Variants in SSRP1 observed in about 807,000 individuals in gnomAD.
SSRP1 encodes the protein structure specific recognition protein 1.
Under a neutral mutation model 84.4 loss-of-function variants are expected in SSRP1, and 21 were observed. That is an observed-to-expected ratio of 0.25 (90% CI 0.18 to 0.36). The LOEUF (loss-of-function observed/expected upper bound fraction) is 0.36, where lower values mean the gene tolerates loss of function less well. SSRP1 is among the 10% of genes least tolerant of loss of function. The pLI is 1.00. For missense variants in SSRP1, 519 were observed against 900.8 expected (o/e 0.58, Z 5.43); for synonymous variants, 319 against 318.3 (o/e 1.00, Z -0.02).
rs1311482234 is a variant in SSRP1 at position 57,330,794 on chromosome 11, C to T, written c.1296+61G>A. The T allele has an allele frequency of 5.6e-6, 9 of 1,611,552 alleles. No individual in the cohort carries two copies. The highest frequency in any genetic ancestry group is 6.8e-6 in the Non-Finnish European group (8 of 1,178,480). On this transcript the variant is annotated intron_variant, in intron 10 of 16. Transcript: ENST00000278412. This position sits in a 1 kb window ranked among gnomAD's most constrained non-coding sequence, Gnocchi z 4.0. The stretch of plus-strand genomic sequence containing the variant: ...TGAAAAAGAAGCCGGAAAAAATCTC[C>T]ACCCCTTTCTCCCCTATAGAAAGAC...
chr11:57,330,023 C>G lies in SSRP1; in HGVS notation c.1481+70G>C. 6.3e-7 allele frequency: 1 copy of G among 1,586,494 alleles called. No individual in the cohort carries two copies. Among genetic ancestry groups the G allele is most frequent in the Admixed American group, 1.7e-5 (1 of 59,970 alleles). ...GCTAATGCTGGGACCTGAGAAATGTCCAGAAATCTTCTGGTCCCTTAAGCT... is the reference window on the plus strand; with the variant it reads ...GCTAATGCTGGGACCTGAGAAATGTGCAGAAATCTTCTGGTCCCTTAAGCT... On this transcript the variant is annotated intron_variant, in intron 12 of 16. Coordinates refer to ENST00000278412, the MANE Select transcript of SSRP1 (RefSeq NM_003146.3). This position sits in a 1 kb window ranked among gnomAD's most constrained non-coding sequence, Gnocchi z 4.0.
At chr11:57,326,615 C>T in intron 16 of SSRP1, 88 bp downstream of exon 16, 1 of 1,580,792 alleles carries the variant, frequency 6.3e-7, no homozygotes. Flanking sequence ...ACCATCCACT[C>T]CAACTCATTA....
At chr11:57,327,569 CTCCCCTG>C in intron 14 of SSRP1, 55 bp from the exon 15 acceptor site, 1 of 1,610,126 alleles carries the variant, frequency 6.2e-7, no homozygotes, top group East Asian at 2.2e-5. Context: ...CATCTCCCCT[CTCCCCTG>C]ATGCAGGCAA....
Position 57,330,491 on chromosome 11 carries a change from C to CA in SSRP1, c.1297-63dup. 2 of 1,598,420 alleles carry CA rather than the reference C, an allele frequency of 1.3e-6. No individual in the cohort carries two copies. The highest frequency in any genetic ancestry group is 1.7e-6 in the Non-Finnish European group (2 of 1,174,012). ...CCTCGAGCCAGAATCCCTGCACACT[C>CA]AAAAGCACACCCCCATGCCTGTCAA... is the stretch of plus-strand genomic sequence containing the variant. On this transcript the variant is annotated intron_variant, in intron 10 of 16. Transcript: ENST00000278412. This position sits in a 1 kb window ranked among gnomAD's most constrained non-coding sequence, Gnocchi z 4.0.
chr11:57,328,061 C>A, intron 13 of SSRP1, 179 bp from the exon 14 acceptor site: 1 of 950,610 alleles, frequency 1.1e-6, no homozygotes. Context: ...CAGTGCCTAG[C>A]TTACCAGGAC....
In SSRP1 at chr11:57,330,568, C is replaced by G; in HGVS notation, c.1297-139G>C. 6.9e-7 allele frequency: 1 copy of G among 1,454,938 alleles called. No homozygotes were observed. The highest frequency in any genetic ancestry group is 9.1e-7 in the Non-Finnish European group (1 of 1,097,794). 90.1% of individuals were successfully genotyped at this position (1,454,938 alleles called of 1,614,324 possible). ...TGGGGCTGGATTGTCCACACACAGC[C>G]AACGTGCAGGGCCTATGCCCAAGTA... On this transcript the variant is annotated intron_variant, in intron 10 of 16. Transcript: ENST00000278412. The surrounding 1 kb of genome is among the most constrained non-coding windows in gnomAD (Gnocchi z 4.0).
At position 57,335,403 on chromosome 11, in the gene SSRP1, C is replaced by G; in HGVS notation, c.-119-163G>C. 2.5e-6 allele frequency: 1 copy of G among 401,224 alleles called. No homozygotes were observed. The highest frequency in any genetic ancestry group is 4.7e-6 in the Non-Finnish European group (1 of 210,726). 24.9% of individuals were successfully genotyped at this position (401,224 alleles called of 1,614,324 possible). A position where few individuals can be genotyped will look rare whatever the true frequency, so the allele number is the denominator to read the frequency against. ...AGTGCCCGAGGGTCCAGGTCCAGGCCTGGGTGGAGAACCGGGCCCGGAATA... is the reference window on the plus strand; with the variant it reads ...AGTGCCCGAGGGTCCAGGTCCAGGCGTGGGTGGAGAACCGGGCCCGGAATA... On this transcript the variant is annotated intron_variant, in intron 1 of 16. Transcript: ENST00000278412. This position sits in a 1 kb window ranked among gnomAD's most constrained non-coding sequence, Gnocchi z 4.6.
At chr11:57,331,130 G>C (rs1214586562) in intron 9 of SSRP1, among the ~76,000 whole-genome samples, 2 of 152,198 alleles carry the variant, frequency 1.3e-5, no homozygotes, top group African/African-American at 4.8e-5. Context: ...AGAACTGCAT[G>C]GCTTTGAAGA....
In SSRP1 at chr11:57,326,793, T is replaced by C. The variant is rs1590603261; in HGVS notation, c.1968A>G (p.Leu656=). 1 of 1,614,146 alleles carries C rather than the reference T, an allele frequency of 6.2e-7. No individual in the cohort carries two copies. Among genetic ancestry groups the C allele is most frequent in the African/African-American group, 1.3e-5 (1 of 74,954 alleles). ...GSSSKSSSRQ[L]SESFKSKEFV... is the part of the protein sequence containing the mutation. ...ACTCTTTGCTCTTGAAGCTCTCGCT[T>C]AGCTGCCTTGAGGACGACTTGGATG... Residue 656 remains leucine, a synonymous_variant, in exon 16 of 17, where the codon CTA becomes CTG. Coordinates refer to ENST00000278412, the MANE Select transcript of SSRP1 (RefSeq NM_003146.3).
chr11:57,335,056 A>G lies in SSRP1; in HGVS notation c.54+12T>C, dbSNP rs746762713. 14 of 1,613,914 alleles carry G rather than the reference A, an allele frequency of 8.7e-6. No individual in the cohort carries two copies. Among genetic ancestry groups the G allele is most frequent in the Non-Finnish European group, 1.2e-5 (14 of 1,179,908 alleles). ...TCTCTCTACTTGTATCACCTGTCCA[A>G]GCCATTCTCACCATGGAACCTTTCA... On this transcript the variant is annotated intron_variant, in intron 2 of 16. Transcript: ENST00000278412. This position sits in a 1 kb window ranked among gnomAD's most constrained non-coding sequence, Gnocchi z 4.6.
intron 2 of SSRP1, 86 bp from the exon 3 acceptor site, chr11:57,334,734 G>T: frequency 1.3e-6 from 2 of 1,487,116 alleles, no homozygotes; most frequent in South Asian, 2.5e-5. Context: ...CATTCCTGCT[G>T]CAAGTGGACT....
Position 57,327,912 on chromosome 11 carries a change from T to C in SSRP1, c.1612-30A>G, listed in dbSNP as rs959793100. The stretch of plus-strand genomic sequence containing the variant: ...ATAAGAACCCAAATGCCTTCAGCTA[T>C]TTCCCACAGAACCCATACATTTTCC... On this transcript the variant is annotated intron_variant, in intron 13 of 16. Coordinates refer to ENST00000278412, the MANE Select transcript of SSRP1 (RefSeq NM_003146.3). 1.9e-6 allele frequency: 3 copies of C among 1,606,340 alleles called. No homozygotes were observed. The African/African-American group carries it at 4.0e-5, about 21-fold the overall frequency.
Position 57,326,368 on chromosome 11 carries a change from G to A in SSRP1, c.*39C>T, listed in dbSNP as rs778729316. ...CAAAATATGGGTGGGGAGTCGGGGG[G>A]TGTGAGAAGGCAAGCGCAAAGAGAA... On this transcript the variant is annotated 3_prime_UTR_variant, in exon 17 of 17. Coordinates refer to ENST00000278412, the MANE Select transcript of SSRP1 (RefSeq NM_003146.3). 1 of 1,595,396 alleles carries A rather than the reference G, an allele frequency of 6.3e-7. No homozygotes were observed. Among genetic ancestry groups the A allele is most frequent in the Non-Finnish European group, 8.6e-7 (1 of 1,163,680 alleles).
rs755802562 is a variant in SSRP1 at position 57,332,731 on chromosome 11, G to A, written c.662C>T (p.Thr221Ile). 5.0e-6 allele frequency: 8 copies of A among 1,614,148 alleles called. No individual in the cohort carries two copies. In the South Asian group the frequency reaches 8.8e-5, roughly 18 times the overall value. ...GGTCTTGCCATGCAGGTGCAGAAAG[G>A]TGGGGTAGATCCGAATGTCATAACG... ...RGRYDIRIYP[T>I]FLHLHGKTFD... is the part of the protein sequence containing the mutation. Residue 221 changes from threonine (T) to isoleucine (I), a missense_variant, in exon 6 of 17, where the codon ACC becomes ATC. Around this residue, in one of 7 missense-constraint regions of SSRP1, gnomAD observed 159 missense variants for 359.0 expected, o/e 0.44. Transcript: ENST00000278412. This position sits in a 1 kb window ranked among gnomAD's most constrained non-coding sequence, Gnocchi z 5.5.
Position 57,326,378 on chromosome 11 carries a change from G to T in SSRP1, c.*29C>A. The T allele has an allele frequency of 6.2e-7, 1 of 1,610,788 alleles. No homozygotes were observed. Among genetic ancestry groups the T allele is most frequent in the Non-Finnish European group, 8.5e-7 (1 of 1,177,316 alleles). ...GTGGGGAGTCGGGGGGTGTGAGAAG[G>T]CAAGCGCAAAGAGAACCTTCCTCCG... On this transcript the variant is annotated 3_prime_UTR_variant, in exon 17 of 17. Transcript: ENST00000278412.
intron 3 of SSRP1, 145 bp downstream of exon 3, chr11:57,334,318 T>C (rs559488289): frequency 5.7e-6 from 5 of 873,326 alleles, no homozygotes; most frequent in South Asian, 5.1e-5. Flanking sequence ...AGCCAAACAC[T>C]GATTGCCTGA....
intron 15 of SSRP1, 84 bp downstream of exon 15, chr11:57,327,337 TTTAAC>T: frequency 7.3e-7 from 1 of 1,367,538 alleles, no homozygotes; most frequent in East Asian, 2.3e-5. Context: ...CTCTGCTGTC[TTTAAC>T]TTTCCAATGC....
intron 3 of SSRP1, among the ~76,000 whole-genome samples, chr11:57,334,010 G>A (rs933223389): frequency 2.0e-5 from 3 of 152,136 alleles, no homozygotes; most frequent in Non-Finnish European, 4.4e-5. Context: ...AAAATCAGCT[G>A]GGCATGGTGG....
In SSRP1 at chr11:57,332,054, C is replaced by G; in HGVS notation, c.1001+98G>C. On this transcript the variant is annotated intron_variant, in intron 8 of 16. Transcript: ENST00000278412. The surrounding 1 kb of genome is among the most constrained non-coding windows in gnomAD (Gnocchi z 5.5). ...TTGTGACACAAGGTCCCATCCAGGC[C>G]TCTAGGAGGCCGCATTCCCATCTCA... The G allele has an allele frequency of 6.3e-7, 1 of 1,587,300 alleles. No homozygotes were observed. Among genetic ancestry groups the G allele is most frequent in the Non-Finnish European group, 8.6e-7 (1 of 1,167,372 alleles).
Sources: allele counts gnomAD v4.1 joint callset (sites outside exome capture counted in the v4.1 genomes callset), GRCh38; gene constraint gnomAD v4.1.1; regional missense constraint gnomAD v4.1.1; non-coding constraint Gnocchi (gnomAD v3.1); transcripts MANE v1.5; gene names NCBI Gene and HGNC (gene_info 2026-07-23, HGNC 2026-07-21).